The following RNF216 variants were observed in gnomAD, a reference collection of about 807,000 sequenced individuals.
RNF216 encodes E3 ubiquitin-protein ligase RNF216.
RNF216 carries 72 observed loss-of-function variants against 110.8 expected under a neutral mutation model. That is an observed-to-expected ratio of 0.65 (90% CI 0.54 to 0.79). RNF216 has a LOEUF of 0.79. RNF216 is among the 30% of genes least tolerant of loss of function. The probability of loss-of-function intolerance (pLI) is 0.00; values close to 1 mark genes in which losing one functional copy is unlikely to be tolerated. For missense variants in RNF216, 1,342 were observed against 1,141.2 expected, an observed-to-expected ratio of 1.18 and a Z score of -2.54; for synonymous variants, 495 against 407.5, an observed-to-expected ratio of 1.21 and a Z score of -2.59.
intron 13 of RNF216, among the ~76,000 whole-genome samples, chr7:5,673,504 A>G (rs1424128048): frequency 1.3e-5 from 2 of 152,246 alleles, no homozygotes; most frequent in East Asian, 1.9e-4. Flanking sequence ...GGTGATGTGA[A>G]GAACAGCAAA....
Position 5,712,856 on chromosome 7 carries a change from A to C in RNF216, c.1841T>G (p.Leu614Arg), listed in dbSNP as rs1792804546. 1 of 1,600,626 alleles carries C rather than the reference A, an allele frequency of 6.2e-7. No homozygotes were observed. The highest frequency in any genetic ancestry group is 8.5e-7 in the Non-Finnish European group (1 of 1,176,396). Residue 614 changes from leucine to arginine, a missense_variant, in exon 12 of 17, where the codon CTC becomes CGC. Transcript: ENST00000389902. ...CGTGCAGCTGCCTTCCATGCAGCTGAGCTCCAACTAGAAAAAGGCGAAAAG... is the reference window on the plus strand; with the variant it reads ...CGTGCAGCTGCCTTCCATGCAGCTGCGCTCCAACTAGAAAAAGGCGAAAAG... Reference protein sequence around the residue: ...EAVFGSGKLELSCMEGSCTCS... With the variant: ...EAVFGSGKLERSCMEGSCTCS...
chr7:5,768,341 G>A (rs1464116829), intron 1 of RNF216, among the ~76,000 whole-genome samples: 2 of 20,014 alleles, frequency 1.0e-4, no homozygotes, highest in South Asian at 1.4e-3. Flanking sequence ...GCCGAGGCAG[G>A]CAAATACACA....
chr7:5,756,912 A>G (rs186065395), intron 2 of RNF216, among the ~76,000 whole-genome samples: 6 of 152,354 alleles, frequency 3.9e-5, no homozygotes, highest in Non-Finnish European at 7.3e-5. Flanking sequence ...CTGGCATTAC[A>G]AGCATGAGCC....
intron 13 of RNF216, among the ~76,000 whole-genome samples, chr7:5,655,538 G>A (rs914557074): frequency 6.6e-6 from 1 of 152,030 alleles, no homozygotes; most frequent in East Asian, 1.9e-4. Flanking sequence ...CCTGGGGGGC[G>A]GAGGTTGCAG....
chr7:5,686,415 T>C (rs538816453), intron 13 of RNF216, among the ~76,000 whole-genome samples: 10 of 152,128 alleles, frequency 6.6e-5, no homozygotes, highest in African/African-American at 2.2e-4. Flanking sequence ...ATTTCTCTGA[T>C]GAGGAAAGTC....
intron 2 of RNF216, among the ~76,000 whole-genome samples, chr7:5,757,823 CTT>C (rs1029124173): frequency 6.6e-6 from 1 of 152,114 alleles, no homozygotes; most frequent in Admixed American, 6.6e-5. Context: ...ATTTTATACA[CTT>C]TTAACAAAAC....
intron 5 of RNF216, among the ~76,000 whole-genome samples, chr7:5,732,346 G>A (rs1794143587): frequency 6.6e-6 from 1 of 152,044 alleles, no homozygotes; most frequent in African/African-American, 2.4e-5. Flanking sequence ...AACCAGACAC[G>A]GACTAGCTTT....
intron 13 of RNF216, among the ~76,000 whole-genome samples, chr7:5,681,754 C>T (rs1562385924): frequency 6.6e-6 from 1 of 152,336 alleles, no homozygotes; most frequent in East Asian, 1.9e-4. Context: ...CTTCAACACT[C>T]CGGCTTACTG....
At chr7:5,749,950 T>G (rs1795245714) in intron 3 of RNF216, among the ~76,000 whole-genome samples, 1 of 152,192 alleles carries the variant, frequency 6.6e-6, no homozygotes, top group Non-Finnish European at 1.5e-5. Context: ...TAAGGAAACT[T>G]TTTTCTTTTA....
intron 9 of RNF216, among the ~76,000 whole-genome samples, chr7:5,718,917 CA>C (rs1381943192): frequency 6.6e-6 from 1 of 152,052 alleles, no homozygotes; most frequent in Non-Finnish European, 1.5e-5. Context: ...CTTGGCCTCC[CA>C]AAGTGCTGGG....
rs569938873 is a variant in RNF216 at position 5,621,647 on chromosome 7, C to T, written c.*1213G>A. 1.3e-5 allele frequency: 2 copies of T among 152,342 alleles called. No individual in the cohort carries two copies. Among genetic ancestry groups the T allele is most frequent in the African/African-American group, 4.8e-5 (2 of 41,456 alleles). 9.4% of individuals were successfully genotyped at this position (152,342 alleles called of 1,614,324 possible). Reference sequence around the variant, plus strand: ...AGCTGTGTCTGAGGTCTGTGAACTCCCAGCCTCTCAGAACCCCATGGCAAC... The same window carrying T: ...AGCTGTGTCTGAGGTCTGTGAACTCTCAGCCTCTCAGAACCCCATGGCAAC... On this transcript the variant is annotated 3_prime_UTR_variant, in exon 17 of 17. Coordinates refer to ENST00000389902, the MANE Select transcript of RNF216 (RefSeq NM_207111.4).
chr7:5,753,776 C>T (rs977756993), intron 2 of RNF216, among the ~76,000 whole-genome samples: 1 of 152,110 alleles, frequency 6.6e-6, no homozygotes, highest in African/African-American at 2.4e-5. Flanking sequence ...GTGGGTGGAT[C>T]ATGAGGTCAG....
At chr7:5,711,937 C>G in intron 12 of RNF216, 98 bp from the exon 13 acceptor site, 2 of 1,031,844 alleles carry the variant, frequency 1.9e-6, no homozygotes, top group Non-Finnish European at 3.0e-6. Context: ...GAGTTTTGAG[C>G]TGGACATTCA....
At chr7:5,656,494 C>T (rs852519) in intron 13 of RNF216, among the ~76,000 whole-genome samples, 113,371 of 151,980 alleles carry the variant, frequency 0.75, 43,072 homozygotes, top group African/African-American at 0.89. Context: ...GCCTTTCCGA[C>T]TGGGGGAAAC....
At chr7:5,657,296 AGTGGCTCACACCT>A (rs1788807603) in intron 13 of RNF216, among the ~76,000 whole-genome samples, 1 of 152,224 alleles carries the variant, frequency 6.6e-6, no homozygotes, top group Non-Finnish European at 1.5e-5. Flanking sequence ...GGCCGGGTGC[AGTGGCTCACACCT>A]GTAATCCCAG....
chr7:5,696,057 G>A lies in RNF216; in HGVS notation c.2061+15704C>T, dbSNP rs1269111455. On this transcript the variant is annotated intron_variant, in intron 13 of 16. Transcript: ENST00000389902. This position sits in a 1 kb window ranked among gnomAD's most constrained non-coding sequence, Gnocchi z 5.4. ...GTGGCTCTCAGCACAACCCAGCACGGCCTTGATCCCTGACTCCCAGGAGGC... is the reference window on the plus strand; with the variant it reads ...GTGGCTCTCAGCACAACCCAGCACGACCTTGATCCCTGACTCCCAGGAGGC... Among the ~76,000 whole-genome samples, 2 of 152,156 alleles carry A rather than the reference G, an allele frequency of 1.3e-5. No individual in the cohort carries two copies. Among genetic ancestry groups the A allele is most frequent in the African/African-American group, 4.8e-5 (2 of 41,420 alleles).
intron 13 of RNF216, among the ~76,000 whole-genome samples, chr7:5,703,618 G>A (rs1792107910): frequency 6.6e-6 from 1 of 152,224 alleles, no homozygotes. Context: ...AACAAGCAGG[G>A]AAGAAAGCTG....
chr7:5,635,088 T>C (rs978805956), intron 15 of RNF216, among the ~76,000 whole-genome samples: 4 of 152,130 alleles, frequency 2.6e-5, no homozygotes, highest in African/African-American at 7.2e-5. Context: ...CTCACCAAGC[T>C]AGGGATCCTG....
intron 13 of RNF216, among the ~76,000 whole-genome samples, chr7:5,706,922 C>G (rs2345937): frequency 0.51 from 77,324 of 152,030 alleles, 20,791 homozygotes; most frequent in African/African-American, 0.65. Flanking sequence ...AGTCTTTAAT[C>G]CATTTAAAGA....
Sources: gnomAD v4.1 joint callset for allele counts (sites outside exome capture counted in the v4.1 genomes callset) on GRCh38, gnomAD v4.1.1 for gene constraint, Gnocchi (gnomAD v3.1) non-coding constraint, MANE v1.5 for transcripts, NCBI Gene and HGNC (gene_info 2026-07-23, HGNC 2026-07-21) for gene names.